The following STX7 variants were observed in gnomAD, a reference collection of about 807,000 sequenced individuals.
STX7 encodes the protein syntaxin-7.
In STX7, 34 loss-of-function variants were observed where a neutral mutation model predicts 39.6. That is an observed-to-expected ratio of 0.86 (90% CI 0.65 to 1.14). The LOEUF (loss-of-function observed/expected upper bound fraction) is 1.14. STX7 is among the 50% of genes most tolerant of loss of function. The pLI, the probability that STX7 is intolerant of heterozygous loss-of-function variation, is 0.00. For synonymous variants in STX7, 119 were observed against 99.1 expected, an observed-to-expected ratio of 1.20 and a Z score of -1.19; for missense variants, 284 against 310.4, an observed-to-expected ratio of 0.92 and a Z score of 0.64.
chr6:132,461,943 C>A, intron 9 of STX7: 1 of 1,273,616 alleles, frequency 7.9e-7, no homozygotes, highest in South Asian at 1.4e-5. Context: ...ATTTCTGAGT[C>A]TGAAATTACA....
Position 132,457,387 on chromosome 6 carries a change from T to C in STX7, c.*3371A>G, listed in dbSNP as rs1180581161. 6.6e-6 allele frequency: 1 copy of C among 152,222 alleles called. No homozygotes were observed. The highest frequency in any genetic ancestry group is 6.5e-5 in the Admixed American group (1 of 15,286). The allele number at this position is 152,222 out of a possible 1,614,324, so 9.4% of individuals were successfully genotyped here. A position where few individuals can be genotyped will look rare whatever the true frequency, so the allele number is the denominator to read the frequency against. On this transcript the variant is annotated 3_prime_UTR_variant, in exon 10 of 10. Transcript: ENST00000367941. The stretch of plus-strand genomic sequence containing the variant: ...GTGCATGTCTGGCAACCAGGTAATT[T>C]CTTTCCTATCTTTCATGTCACAGTA...
chr6:132,475,571 A>T (rs762943167), intron 3 of STX7, 22 bp downstream of exon 3: 1 of 1,542,586 alleles, frequency 6.5e-7, no homozygotes, highest in Non-Finnish European at 8.8e-7. Flanking sequence ...TTTCTCTTTT[A>T]TTTATTTAAC....
At position 132,456,213 on chromosome 6, in the gene STX7, T is replaced by G. The variant is rs1369043483; in HGVS notation, c.*4545A>C. On this transcript the variant is annotated 3_prime_UTR_variant, in exon 10 of 10. Coordinates refer to ENST00000367941, the MANE Select transcript of STX7 (RefSeq NM_003569.3). ...TTTCTCTTTAGAAAACTAGCAATTTTCTGGTAGTCTGTCAATTAAGAAAAG... is the reference window on the plus strand; with the variant it reads ...TTTCTCTTTAGAAAACTAGCAATTTGCTGGTAGTCTGTCAATTAAGAAAAG... 1.3e-5 allele frequency: 2 copies of G among 152,176 alleles called. No individual in the cohort carries two copies. The highest frequency in any genetic ancestry group is 2.4e-5 in the African/African-American group (1 of 41,448). The allele number at this position is 152,176 out of a possible 1,614,324, so 9.4% of individuals were successfully genotyped here. A position where few individuals can be genotyped will look rare whatever the true frequency, so the allele number is the denominator to read the frequency against.
intron 2 of STX7, among the ~76,000 whole-genome samples, chr6:132,481,651 C>T (rs1266178876): frequency 6.6e-6 from 1 of 152,034 alleles, no homozygotes; most frequent in African/African-American, 2.4e-5. Context: ...TAATAGAATG[C>T]ATTTAACTAA....
intron 2 of STX7, among the ~76,000 whole-genome samples, chr6:132,497,589 G>A (rs1582677687): frequency 6.6e-6 from 1 of 152,116 alleles, no homozygotes; most frequent in Non-Finnish European, 1.5e-5. Flanking sequence ...GTTTACTTAT[G>A]TGATGTATTT....
chr6:132,489,159 C>T (rs1288019914), intron 2 of STX7, among the ~76,000 whole-genome samples: 1 of 144,188 alleles, frequency 6.9e-6, no homozygotes, highest in Non-Finnish European at 1.5e-5. Context: ...CAAGATTGTG[C>T]CACTGCACTC....
chr6:132,475,365 G>A, intron 3 of STX7: 1 of 292,594 alleles, frequency 3.4e-6, no homozygotes, highest in African/African-American at 2.2e-5. Flanking sequence ...CTTGTGATCT[G>A]CCCACCTCAG....
intron 9 of STX7, among the ~76,000 whole-genome samples, chr6:132,461,314 C>CT (rs200662714): frequency 1.9e-4 from 29 of 148,992 alleles, no homozygotes; most frequent in Middle Eastern, 3.4e-3. Flanking sequence ...TATTTCTTTT[C>CT]TTTTTTTTTT....
intron 1 of STX7, among the ~76,000 whole-genome samples, chr6:132,509,277 G>A (rs890269756): frequency 6.6e-6 from 1 of 151,846 alleles, no homozygotes; most frequent in East Asian, 1.9e-4. Context: ...GGCCAACATG[G>A]TGAAATCTCA....
chr6:132,473,288 T>C (rs947108111), intron 3 of STX7, among the ~76,000 whole-genome samples: 2 of 152,204 alleles, frequency 1.3e-5, no homozygotes, highest in African/African-American at 4.8e-5. Context: ...AAGTAAATTA[T>C]AGTCATCCCT....
At chr6:132,500,069 C>T (rs1207382646) in intron 2 of STX7, among the ~76,000 whole-genome samples, 1 of 152,186 alleles carries the variant, frequency 6.6e-6, no homozygotes, top group African/African-American at 2.4e-5. Context: ...TCTCCATCCC[C>T]ACTGCCATCA....
chr6:132,466,838 C>G (rs1016263227), intron 8 of STX7, among the ~76,000 whole-genome samples: 1 of 152,204 alleles, frequency 6.6e-6, no homozygotes, highest in African/African-American at 2.4e-5. Flanking sequence ...TCTCAGAAAA[C>G]AGTAACTTCA....
At chr6:132,488,891 T>A (rs1436372543) in intron 2 of STX7, among the ~76,000 whole-genome samples, 1 of 151,794 alleles carries the variant, frequency 6.6e-6, no homozygotes, top group African/African-American at 2.4e-5. Context: ...TGTTAGAGGG[T>A]GGTTTGGAGT....
intron 1 of STX7, among the ~76,000 whole-genome samples, chr6:132,509,452 AATAAC>A (rs199798662): frequency 0.057 from 564 of 9,924 alleles, 17 homozygotes; most frequent in Non-Finnish European, 0.086. Flanking sequence ...CTCGTCTCAA[AATAAC>A]ATAACATAAC....
chr6:132,468,606 C>T (rs1774624663), intron 7 of STX7, 131 bp from the exon 8 acceptor site: 7 of 538,458 alleles, frequency 1.3e-5, no homozygotes, highest in Middle Eastern at 9.9e-4. Context: ...AAATATAATA[C>T]ATAAACTTTG....
Position 132,469,141 on chromosome 6 carries a change from T to C in STX7, c.538-666A>G, listed in dbSNP as rs374520140. On this transcript the variant is annotated intron_variant, in intron 7 of 9. Coordinates refer to ENST00000367941, the MANE Select transcript of STX7 (RefSeq NM_003569.3). ...GAAGGTCTTCAATAAATTGTAGCCA[T>C]TGTTAGCTATTATTAGCCTTCTTTC... Among the ~76,000 whole-genome samples the C allele has an allele frequency of 1.4e-4, 21 of 152,354 alleles. 1 individual carries two copies. The South Asian group carries it at 4.3e-3, about 32-fold the overall frequency.
chr6:132,504,737 C>T (rs1274296572), intron 1 of STX7, among the ~76,000 whole-genome samples: 2 of 152,072 alleles, frequency 1.3e-5, no homozygotes, highest in Non-Finnish European at 2.9e-5. Flanking sequence ...ACAAAAAACC[C>T]CACAAATCCA....
intron 2 of STX7, among the ~76,000 whole-genome samples, chr6:132,477,933 A>G (rs1055346441): frequency 2.2e-4 from 33 of 152,296 alleles, no homozygotes; most frequent in African/African-American, 7.7e-4. Context: ...CAAAACTTCA[A>G]CTTCACTGAT....
In STX7 at chr6:132,455,206, A is replaced by G. The variant is rs1774218061; in HGVS notation, c.*5552T>C. On this transcript the variant is annotated 3_prime_UTR_variant, in exon 10 of 10. Coordinates refer to ENST00000367941, the MANE Select transcript of STX7 (RefSeq NM_003569.3). Reference sequence around the variant, plus strand: ...CTTGGATTAAAAACCTAATTTCTAGAAAACAGGTTCTCTTCTTTCTGGTCT... The same window carrying G: ...CTTGGATTAAAAACCTAATTTCTAGGAAACAGGTTCTCTTCTTTCTGGTCT... 6.6e-6 allele frequency: 1 copy of G among 152,200 alleles called. No homozygotes were observed. The highest frequency in any genetic ancestry group is 1.5e-5 in the Non-Finnish European group (1 of 68,032). The allele number at this position is 152,200 out of a possible 1,614,324, so 9.4% of individuals were successfully genotyped here. A position where few individuals can be genotyped will look rare whatever the true frequency, so the allele number is the denominator to read the frequency against.
Sources: allele counts gnomAD v4.1 joint callset (sites outside exome capture counted in the v4.1 genomes callset), GRCh38; gene constraint gnomAD v4.1.1; transcripts MANE v1.5; gene names NCBI Gene and HGNC (gene_info 2026-07-23, HGNC 2026-07-21).